VWF: variants seen among roughly 807,000 people sequenced by gnomAD.
The protein encoded by VWF is von Willebrand factor.
In VWF, 176 loss-of-function variants were observed where a neutral mutation model predicts 308.6. The ratio of observed to expected loss-of-function variants is 0.57; its 90% CI spans 0.50 to 0.65. The LOEUF is 0.65. VWF is among the 30% of genes least tolerant of loss of function. The pLI, the probability that VWF is intolerant of heterozygous loss-of-function variation, is 0.00. For missense variants in VWF, 3,146 were observed against 3,648.2 expected (o/e 0.86, Z 3.55); for synonymous variants, 1,385 against 1,443.4 (o/e 0.96, Z 0.92).
chr12:6,044,461 A>G lies in VWF; in HGVS notation c.2282-10T>C, dbSNP rs564519369. ...GATAGGCTCCTTTTGCCTCGAAGGT[A>G]GGAAAAGCAAAGAGATGATTAGTGA... On this transcript the variant is annotated splice_polypyrimidine_tract_variant and intron_variant, in intron 17 of 51. Coordinates refer to ENST00000261405, the MANE Select transcript of VWF (RefSeq NM_000552.5). The G allele has an allele frequency of 1.2e-6, 2 of 1,613,786 alleles. No individual in the cohort carries two copies. The highest frequency in any genetic ancestry group is 2.2e-5 in the East Asian group (1 of 44,878).
chr12:5,962,770 T>C (rs11063957), intron 47 of VWF, among the ~76,000 whole-genome samples: 101,966 of 151,988 alleles, frequency 0.67, 36,534 homozygotes, highest in African/African-American at 0.91. Flanking sequence ...ACGATGGTCT[T>C]GATCTCTTGA....
At chr12:5,983,331 A>T in intron 40 of VWF, 77 bp from the exon 41 acceptor site, 1 of 1,393,488 alleles carries the variant, frequency 7.2e-7, no homozygotes, top group Non-Finnish European at 9.9e-7. Context: ...GGGATGCTAC[A>T]TTCCTATTCA....
chr12:6,041,327 G>A (rs1944393768), intron 18 of VWF, among the ~76,000 whole-genome samples: 1 of 151,792 alleles, frequency 6.6e-6, no homozygotes, highest in Non-Finnish European at 1.5e-5. Flanking sequence ...CTACTCAGAA[G>A]GCTGAGGCAG....
At chr12:6,051,781 T>C (rs896898685) in intron 16 of VWF, among the ~76,000 whole-genome samples, 1 of 152,118 alleles carries the variant, frequency 6.6e-6, no homozygotes, top group African/African-American at 2.4e-5. Context: ...AACTATTTTT[T>C]TTTCTTTGTA....
Position 6,065,221 on chromosome 12 carries a change from G to C in VWF, c.1209C>G (p.Tyr403Ter). ...ACTGGCAGATCCCACTGAAGGTGAAGTATCTGTTGTCAAAGCTCTTGAAGT... is the reference window on the plus strand; with the variant it reads ...ACTGGCAGATCCCACTGAAGGTGAACTATCTGTTGTCAAAGCTCTTGAAGT... ...QSHFKSFDNR[Y>*]FTFSGICQYL... Residue 403 changes from tyrosine to a stop codon, truncating the protein, a stop_gained, in exon 11 of 52, where the codon TAC becomes TAG. Transcript: ENST00000261405. LOFTEE classifies it high-confidence loss of function. 1 of 1,614,184 alleles carries C rather than the reference G, an allele frequency of 6.2e-7. No homozygotes were observed. The highest frequency in any genetic ancestry group is 8.5e-7 in the Non-Finnish European group (1 of 1,180,038).
intron 3 of VWF, among the ~76,000 whole-genome samples, chr12:6,117,969 G>A (rs1318543873): frequency 6.6e-6 from 1 of 152,222 alleles, no homozygotes; most frequent in African/African-American, 2.4e-5. Context: ...GAGCCACCCA[G>A]TTCTGTGGGA....
chr12:5,991,167 T>TCA (rs201361783), intron 38 of VWF, among the ~76,000 whole-genome samples: 16,012 of 134,840 alleles, frequency 0.12, 877 homozygotes, highest in South Asian at 0.16. Flanking sequence ...CAAGGGATTC[T>TCA]CACACACACA....
At chr12:6,077,044 C>T (rs1232681554) in intron 6 of VWF, among the ~76,000 whole-genome samples, 1 of 152,160 alleles carries the variant, frequency 6.6e-6, no homozygotes, top group Non-Finnish European at 1.5e-5. Context: ...GAAAAGATGC[C>T]CACACTTGTA....
chr12:5,955,857 A>C lies in VWF; in HGVS notation c.7888-2263T>G, dbSNP rs544594085. 1.9e-3 allele frequency among the ~76,000 whole-genome samples: 292 copies of C among 152,362 alleles called. 2 individuals are homozygous for C. Among genetic ancestry groups the C allele is most frequent in the Middle Eastern group, 6.8e-3 (2 of 294 alleles). ...AAACTCACTGGATTGGATTAACTGC[A>C]GACAGGACACAAGAAAAGAAAAGAT... On this transcript the variant is annotated intron_variant, in intron 47 of 51. Coordinates refer to ENST00000261405, the MANE Select transcript of VWF (RefSeq NM_000552.5).
Position 5,983,396 on chromosome 12 carries a change from G to A in VWF, c.6977-142C>T, listed in dbSNP as rs2192205. ...TGATGATGGAGACAGAGATTACATG[G>A]GTTAGGATAGATAGATAGATAGATA... On this transcript the variant is annotated intron_variant, in intron 40 of 51. Coordinates refer to ENST00000261405, the MANE Select transcript of VWF (RefSeq NM_000552.5). 59,501 of 418,944 alleles carry A rather than the reference G, an allele frequency of 0.14. 3,292 individuals are homozygous for A. The highest frequency in any genetic ancestry group is 0.34 in the East Asian group (7,405 of 21,912). The allele number at this position is 418,944 out of a possible 1,614,324, so 26.0% of individuals were successfully genotyped here. A position where few individuals can be genotyped will look rare whatever the true frequency, so the allele number is the denominator to read the frequency against.
chr12:6,083,570 A>G (rs1944937745), intron 6 of VWF, among the ~76,000 whole-genome samples: 1 of 152,224 alleles, frequency 6.6e-6, no homozygotes, highest in African/African-American at 2.4e-5. Flanking sequence ...GTCGCAAAAA[A>G]CAAAAAAGAA....
intron 43 of VWF, among the ~76,000 whole-genome samples, chr12:5,973,709 C>T (rs1943503240): frequency 6.6e-6 from 1 of 152,208 alleles, no homozygotes. Context: ...GAACAGCCCT[C>T]CCTCTTCTTC....
intron 5 of VWF, among the ~76,000 whole-genome samples, chr12:6,096,428 A>G (rs1451417345): frequency 1.3e-5 from 2 of 152,104 alleles, no homozygotes; most frequent in Admixed American, 1.3e-4. Context: ...CCTGTGCCCC[A>G]TGGCACCTGG....
intron 6 of VWF, among the ~76,000 whole-genome samples, chr12:6,086,599 G>A (rs1178802038): frequency 6.6e-6 from 1 of 152,096 alleles, no homozygotes; most frequent in Non-Finnish European, 1.5e-5. Flanking sequence ...GACCAAAACT[G>A]CCAATTAAGT....
At chr12:6,083,846 T>C (rs1230626875) in intron 6 of VWF, among the ~76,000 whole-genome samples, 1 of 152,190 alleles carries the variant, frequency 6.6e-6, no homozygotes, top group Non-Finnish European at 1.5e-5. Flanking sequence ...CTCCACCAAG[T>C]GTCCTCAAAA....
intron 5 of VWF, among the ~76,000 whole-genome samples, chr12:6,099,270 G>A (rs7956179): frequency 0.059 from 8,524 of 143,960 alleles, 868 homozygotes; most frequent in African/African-American, 0.2. Flanking sequence ...AGTGAGCCCC[G>A]ATCGCGCCAC....
rs1246069621 is a variant in VWF at position 6,064,317 on chromosome 12, C to T, written c.1361G>A (p.Ser454Asn). ...TGCCCCATGCTTCAGTTTCACAAGG[C>T]TGTTGTGCAGGCCAGGCAGCCGGAC... is the stretch of plus-strand genomic sequence containing the variant. ...VTVRLPGLHN[S>N]LVKLKHGAGV... Residue 454 changes from serine to asparagine, a missense_variant, in exon 12 of 52, where the codon AGC becomes AAC. Around this residue, in one of 3 missense-constraint regions of VWF, gnomAD observed 1,304 missense variants for 1,353.0 expected, o/e 0.96. Coordinates refer to ENST00000261405, the MANE Select transcript of VWF (RefSeq NM_000552.5). The T allele has an allele frequency of 1.2e-6, 2 of 1,614,200 alleles. No homozygotes were observed. The highest frequency in any genetic ancestry group is 1.1e-5 in the South Asian group (1 of 91,088).
At chr12:6,021,114 G>C (rs1944124629) in intron 27 of VWF, 2 of 152,192 alleles carry the variant, frequency 1.3e-5, no homozygotes. Context: ...GTGTTTGCTA[G>C]AAAACTCACC....
At chr12:6,094,484 T>C (rs1032463374) in intron 6 of VWF, among the ~76,000 whole-genome samples, 6 of 152,176 alleles carry the variant, frequency 3.9e-5, no homozygotes, top group African/African-American at 7.2e-5. Flanking sequence ...ATGGAGATAT[T>C]TGGGGACAAA....
Sources: allele counts gnomAD v4.1 joint callset (sites outside exome capture counted in the v4.1 genomes callset), GRCh38; gene constraint gnomAD v4.1.1; regional missense constraint gnomAD v4.1.1; transcripts MANE v1.5; gene names NCBI Gene and HGNC (gene_info 2026-07-23, HGNC 2026-07-21).